Variants in PRKN observed in about 807,000 individuals in gnomAD.
PRKN encodes the protein parkin RBR E3 ubiquitin protein ligase.
In PRKN, 56 loss-of-function variants were observed where a neutral mutation model predicts 59.5. The observed-to-expected ratio is 0.94, with a 90% CI of 0.76 to 1.18. The LOEUF is 1.18. PRKN is among the 50% of genes most tolerant of loss of function. The pLI is 0.00. For synonymous variants in PRKN, 250 were observed against 222.1 expected, an observed-to-expected ratio of 1.13 and a Z score of -1.12; for missense variants, 657 against 596.4, an observed-to-expected ratio of 1.10 and a Z score of -1.06.
chr6:161,869,803 C>G (rs2155480), intron 6 of PRKN, among the ~76,000 whole-genome samples: 127,157 of 152,056 alleles, frequency 0.84, 53,319 homozygotes, highest in Middle Eastern at 0.86. Flanking sequence ...CACAGTTCTG[C>G]CACATACAGG....
intron 6 of PRKN, among the ~76,000 whole-genome samples, chr6:161,924,693 A>T (rs1778902754): frequency 6.6e-6 from 1 of 152,216 alleles, no homozygotes; most frequent in African/African-American, 2.4e-5. Flanking sequence ...GCCCAGGGAA[A>T]GTGTTTGCAT....
chr6:161,745,992 G>A (rs1213463471), intron 7 of PRKN, among the ~76,000 whole-genome samples: 2 of 152,194 alleles, frequency 1.3e-5, no homozygotes, highest in Non-Finnish European at 2.9e-5. Flanking sequence ...GGGGAGACGA[G>A]GCCTCATCGT....
intron 7 of PRKN, among the ~76,000 whole-genome samples, chr6:161,716,764 A>G (rs1015044565): frequency 3.3e-5 from 5 of 152,194 alleles, no homozygotes; most frequent in African/African-American, 1.2e-4. Context: ...GCGGCAATGC[A>G]GTGGGGGCAG....
intron 6 of PRKN, among the ~76,000 whole-genome samples, chr6:161,814,414 G>A (rs989629366): frequency 2.0e-5 from 3 of 152,184 alleles, no homozygotes; most frequent in African/African-American, 7.2e-5. Flanking sequence ...CATGGCTAAG[G>A]AGGCCTCACA....
chr6:162,279,988 G>A (rs1416377702), intron 2 of PRKN, among the ~76,000 whole-genome samples: 4 of 152,088 alleles, frequency 2.6e-5, no homozygotes, highest in East Asian at 1.9e-4. Context: ...GACTAAGATC[G>A]CAAACTCTCC....
At chr6:162,068,233 G>T (rs4709565) in intron 4 of PRKN, among the ~76,000 whole-genome samples, 43,749 of 150,460 alleles carry the variant, frequency 0.29, 6,895 homozygotes, top group East Asian at 0.62. Flanking sequence ...AGTTTTGTAG[G>T]TGTTTTTCTT....
chr6:161,439,705 T>C (rs1789106148), intron 9 of PRKN, among the ~76,000 whole-genome samples: 1 of 143,548 alleles, frequency 7.0e-6, no homozygotes, highest in Admixed American at 6.8e-5. Flanking sequence ...GAAGCTAGAT[T>C]TTTTTTTATT....
intron 7 of PRKN, among the ~76,000 whole-genome samples, chr6:161,748,924 T>A (rs1441482392): frequency 6.6e-6 from 1 of 152,208 alleles, no homozygotes; most frequent in Non-Finnish European, 1.5e-5. Flanking sequence ...GCCTGTCATG[T>A]GTATTCCACA....
chr6:162,540,678 G>A (rs1778894094), intron 1 of PRKN, among the ~76,000 whole-genome samples: 1 of 151,600 alleles, frequency 6.6e-6, no homozygotes, highest in Non-Finnish European at 1.5e-5. Context: ...ATGGTGGTGG[G>A]TGCCTGTAAT....
At chr6:161,834,324 G>A (rs1792647563) in intron 6 of PRKN, among the ~76,000 whole-genome samples, 1 of 152,128 alleles carries the variant, frequency 6.6e-6, no homozygotes, top group Non-Finnish European at 1.5e-5. Context: ...GCAGGTAGAA[G>A]GCCTCACACA....
intron 6 of PRKN, among the ~76,000 whole-genome samples, chr6:161,843,260 C>T (rs1272079982): frequency 6.6e-6 from 1 of 152,170 alleles, no homozygotes; most frequent in African/African-American, 2.4e-5. Flanking sequence ...CATGAGTCTC[C>T]CAGATACCTG....
chr6:162,658,979 T>C (rs1248239574), intron 1 of PRKN, among the ~76,000 whole-genome samples: 1 of 152,208 alleles, frequency 6.6e-6, no homozygotes, highest in African/African-American at 2.4e-5. Context: ...TATCAATATA[T>C]ACCTTTGGAA....
At chr6:161,613,869 G>A (rs59306957) in intron 7 of PRKN, among the ~76,000 whole-genome samples, 4,518 of 152,222 alleles carry the variant, frequency 0.03, 227 homozygotes, top group African/African-American at 0.1. Context: ...TCAGAAGTCC[G>A]GGCACAGCGT....
At chr6:161,868,344 C>T (rs1011836062) in intron 6 of PRKN, among the ~76,000 whole-genome samples, 10 of 148,956 alleles carry the variant, frequency 6.7e-5, no homozygotes, top group Admixed American at 3.3e-4. Context: ...TTTGGGAGGC[C>T]GAGGCTGGTG....
intron 1 of PRKN, among the ~76,000 whole-genome samples, chr6:162,501,111 C>G (rs1793345525): frequency 6.6e-6 from 1 of 152,060 alleles, no homozygotes; most frequent in African/African-American, 2.4e-5. Context: ...AAACTATGAT[C>G]ACACCTCTGT....
Position 162,668,498 on chromosome 6 carries a change from A to G in PRKN, c.7+59164T>C, listed in dbSNP as rs555451651. On this transcript the variant is annotated intron_variant, in intron 1 of 11. Coordinates refer to ENST00000366898, the MANE Select transcript of PRKN (RefSeq NM_004562.3). ...CTAGAAGAGAATGCCAGAGACGGGG[A>G]AAAACTGACAGGGTAAGAGATGAGA... Among the ~76,000 whole-genome samples the G allele has an allele frequency of 4.7e-5, 7 of 150,232 alleles. No individual in the cohort carries two copies. In the South Asian group the frequency reaches 1.5e-3, roughly 31 times the overall value.
At chr6:162,225,371 A>G (rs545497253) in intron 3 of PRKN, among the ~76,000 whole-genome samples, 2 of 152,356 alleles carry the variant, frequency 1.3e-5, no homozygotes, top group South Asian at 4.1e-4. Flanking sequence ...CTTCTGTGAG[A>G]AGAAACCATA....
At chr6:162,005,291 T>G (rs1416662912) in intron 5 of PRKN, among the ~76,000 whole-genome samples, 1 of 152,190 alleles carries the variant, frequency 6.6e-6, no homozygotes, top group East Asian at 1.9e-4. Context: ...TAGGACAATA[T>G]AGAATACCAG....
At chr6:161,693,240 T>C (rs771192313) in intron 7 of PRKN, among the ~76,000 whole-genome samples, 5 of 152,178 alleles carry the variant, frequency 3.3e-5, no homozygotes, top group Non-Finnish European at 5.9e-5. Flanking sequence ...CCAACATAGA[T>C]CTCTTTGTTC....
Sources: gnomAD v4.1 joint callset for allele counts (sites outside exome capture counted in the v4.1 genomes callset) on GRCh38, gnomAD v4.1.1 for gene constraint, MANE v1.5 for transcripts, NCBI Gene and HGNC (gene_info 2026-07-23, HGNC 2026-07-21) for gene names.